The following REDIC1 variants were observed in gnomAD, a reference collection of about 807,000 sequenced individuals.
The protein encoded by REDIC1 is regulator of DNA class I crossover intermediates 1, also known as HEI10 Interacting Protein 1.
chr12:39,832,535 G>A, the REDIC1 span, among the ~76,000 whole-genome samples: 6 of 152,030 alleles, frequency 3.9e-5, no homozygotes, highest in South Asian at 2.1e-4. Context: ...TCATCCAAGC[G>A]TGACCCCAAC....
At chr12:39,849,378 C>G in the REDIC1 span, among the ~76,000 whole-genome samples, 2 of 152,080 alleles carry the variant, frequency 1.3e-5, no homozygotes, top group African/African-American at 4.8e-5. Context: ...AGAGTTAATG[C>G]TTCATCCCAT....
chr12:39,805,653 T>TA, the REDIC1 span, among the ~76,000 whole-genome samples: 2 of 152,214 alleles, frequency 1.3e-5, no homozygotes, highest in African/African-American at 4.8e-5. Flanking sequence ...CAGCGCTCCT[T>TA]AAAAACAAAA....
At chr12:39,834,172 T>A in the REDIC1 span, among the ~76,000 whole-genome samples, 2 of 152,112 alleles carry the variant, frequency 1.3e-5, no homozygotes. Context: ...ACATTTGTTA[T>A]GCTTTTCTCT....
chr12:39,838,447 T>A, the REDIC1 span, among the ~76,000 whole-genome samples: 1 of 146,418 alleles, frequency 6.8e-6, no homozygotes, highest in South Asian at 2.2e-4. Flanking sequence ...CATATGTAAC[T>A]AACCTGCACA....
At chr12:39,698,656 A>G in the REDIC1 span, among the ~76,000 whole-genome samples, 1 of 152,246 alleles carries the variant, frequency 6.6e-6, no homozygotes, top group African/African-American at 2.4e-5. Context: ...TTTTCTAACT[A>G]CAATGGAATA....
At chr12:39,700,713 GC>G in the REDIC1 span, among the ~76,000 whole-genome samples, 1 of 151,920 alleles carries the variant, frequency 6.6e-6, no homozygotes, top group Non-Finnish European at 1.5e-5. Context: ...TCAAAGGGAA[GC>G]CCATCAGACT....
chr12:39,899,592 T>C, the REDIC1 span, among the ~76,000 whole-genome samples: 1 of 152,334 alleles, frequency 6.6e-6, no homozygotes, highest in Admixed American at 6.5e-5. Context: ...ATTTTGGATC[T>C]TTCCTGCTTT....
the REDIC1 span, among the ~76,000 whole-genome samples, chr12:39,767,758 G>T: frequency 3.9e-5 from 6 of 152,084 alleles, no homozygotes; most frequent in Admixed American, 3.9e-4. Context: ...CACGGGGGTG[G>T]TTACCCTCAT....
At chr12:39,631,908 C>CA in the REDIC1 span, among the ~76,000 whole-genome samples, 1 of 152,026 alleles carries the variant, frequency 6.6e-6, no homozygotes, top group Non-Finnish European at 1.5e-5. Flanking sequence ...TTGTTAGAGA[C>CA]ATATGCAGTT....
At chr12:39,661,920 T>C in the REDIC1 span, among the ~76,000 whole-genome samples, 6 of 152,210 alleles carry the variant, frequency 3.9e-5, no homozygotes, top group Admixed American at 3.9e-4. Context: ...TTCCCCAAGA[T>C]ATATTTGTGA....
the REDIC1 span, among the ~76,000 whole-genome samples, chr12:39,715,066 T>G: frequency 6.6e-6 from 1 of 152,048 alleles, no homozygotes; most frequent in African/African-American, 2.4e-5. Flanking sequence ...CTCTTTAGTT[T>G]AATTAGGTCC....
the REDIC1 span, among the ~76,000 whole-genome samples, chr12:39,770,677 T>C: frequency 6.6e-6 from 1 of 152,302 alleles, no homozygotes; most frequent in South Asian, 2.1e-4. Context: ...GCCTGGCATG[T>C]GGTATATGCA....
the REDIC1 span, among the ~76,000 whole-genome samples, chr12:39,854,905 A>G: frequency 1.2e-4 from 18 of 152,214 alleles, no homozygotes; most frequent in Non-Finnish European, 1.8e-4. Context: ...CCAACTCACC[A>G]TTGAAAAATC....
chr12:39,653,570 C>CTTCTTCTTCTTCTTCTTCT, the REDIC1 span, among the ~76,000 whole-genome samples: 1 of 97,422 alleles, frequency 1.0e-5, no homozygotes, highest in African/African-American at 3.5e-5. Context: ...TCTTCTTCTT[C>CTTCTTCTTCTTCTTCTTCT]TTTTTCTTCC....
chr12:39,837,501 A>G, the REDIC1 span, among the ~76,000 whole-genome samples: 18 of 140,488 alleles, frequency 1.3e-4, no homozygotes, highest in African/African-American at 4.6e-4. Context: ...GGATCTAATT[A>G]AACTAAAGAG....
At chr12:39,720,730 G>T in the REDIC1 span, 1 of 1,230,540 alleles carries the variant, frequency 8.1e-7, no homozygotes, top group Non-Finnish European at 1.2e-6. Flanking sequence ...TGAAGTGATT[G>T]AATGCATTTT....
At chr12:39,767,233 G>A in the REDIC1 span, among the ~76,000 whole-genome samples, 2 of 151,796 alleles carry the variant, frequency 1.3e-5, no homozygotes, top group Non-Finnish European at 2.9e-5. Flanking sequence ...CATTCATCTT[G>A]TACATCTCCA....
At chr12:39,776,051 G>T in the REDIC1 span, among the ~76,000 whole-genome samples, 1 of 152,174 alleles carries the variant, frequency 6.6e-6, no homozygotes, top group Non-Finnish European at 1.5e-5. Context: ...GAAGATGGGA[G>T]AAAGTTTAGT....
At chr12:39,644,967 C>T in the REDIC1 span, among the ~76,000 whole-genome samples, 2 of 151,846 alleles carry the variant, frequency 1.3e-5, no homozygotes, top group African/African-American at 2.4e-5. Context: ...AGTGGATGGT[C>T]CTCAAGAAGT....
Sources: gnomAD v4.1 joint callset for allele counts (sites outside exome capture counted in the v4.1 genomes callset) on GRCh38, gnomAD v4.1.1 for gene constraint, MANE v1.5 for transcripts, NCBI Gene and HGNC (gene_info 2026-07-23, HGNC 2026-07-21) for gene names.